EDA: variants seen among roughly 807,000 people sequenced by gnomAD.
EDA encodes ectodysplasin A, also known as ectodysplasin-A.
EDA carries 2 observed loss-of-function variants against 23.6 expected under a neutral mutation model. The ratio of observed to expected loss-of-function variants is 0.08; its 90% CI spans 0.03 to 0.27. EDA has a LOEUF of 0.27. EDA is among the 10% of genes least tolerant of loss of function. The probability of loss-of-function intolerance (pLI) is 1.00; values close to 1 mark genes in which losing one functional copy is unlikely to be tolerated. For missense variants in EDA, 229 were observed against 324.2 expected (o/e 0.71, Z 2.26); for synonymous variants, 131 against 132.0 (o/e 0.99, Z 0.05).
chrX:69,749,454 A>C (rs1244208450), intron 1 of EDA, among the ~76,000 whole-genome samples: 3 of 104,951 alleles, frequency 2.9e-5, no homozygotes, highest in Non-Finnish European at 5.9e-5. Flanking sequence ...GTATATACCC[A>C]GTAATGGGAT....
chrX:69,885,623 C>CA (rs1441356159), intron 1 of EDA, among the ~76,000 whole-genome samples: 2 of 112,078 alleles, frequency 1.8e-5, no homozygotes, highest in Admixed American at 1.9e-4. Context: ...CAGCCATCCA[C>CA]AGACAAAATT....
intron 1 of EDA, among the ~76,000 whole-genome samples, chrX:69,877,012 C>G (rs1302259358): frequency 8.9e-6 from 1 of 112,328 alleles, no homozygotes; most frequent in African/African-American, 3.2e-5. Context: ...AAATGCCAAA[C>G]TGTTTTGCAA....
At chrX:69,844,241 A>T (rs772713856) in intron 1 of EDA, among the ~76,000 whole-genome samples, 1 of 111,854 alleles carries the variant, frequency 8.9e-6, no homozygotes, top group Non-Finnish European at 1.9e-5. Flanking sequence ...GGATGAGAAA[A>T]ACTCAAATCA....
intron 1 of EDA, among the ~76,000 whole-genome samples, chrX:69,836,498 G>A (rs749832781): frequency 3.6e-5 from 4 of 112,541 alleles, no homozygotes; most frequent in Middle Eastern, 4.6e-3. Flanking sequence ...AGACTGCTGC[G>A]CTACCAGTGA....
intron 1 of EDA, among the ~76,000 whole-genome samples, chrX:69,881,093 C>A (rs1201623563): frequency 1.8e-5 from 2 of 111,772 alleles, no homozygotes; most frequent in Non-Finnish European, 3.8e-5. Context: ...CACCTCATAC[C>A]CCACGAAGTG....
intron 1 of EDA, among the ~76,000 whole-genome samples, chrX:69,927,448 A>C (rs2147672062): frequency 9.0e-6 from 1 of 111,729 alleles, no homozygotes; most frequent in Admixed American, 9.5e-5. Flanking sequence ...TGGGTTGAAA[A>C]TTCTTTTCTA....
chrX:70,022,595 C>CA (rs934429713), intron 2 of EDA, among the ~76,000 whole-genome samples: 1 of 110,787 alleles, frequency 9.0e-6, no homozygotes, highest in African/African-American at 3.3e-5. Context: ...CTCGGCCTCC[C>CA]AAAGTGCTGG....
chrX:70,027,721 G>C (rs765767471), intron 3 of EDA, 136 bp from the exon 4 acceptor site: 99 of 456,756 alleles, frequency 2.2e-4, no homozygotes, highest in Non-Finnish European at 3.7e-4. Flanking sequence ...TACTCCAGAG[G>C]CTGAGGCAGG....
chrX:69,888,978 T>TAGATATATATATATA lies in EDA; in HGVS notation c.397-68049_397-68048insAGATATATATATATA, dbSNP rs1556026049. The stretch of plus-strand genomic sequence containing the variant: ...GTGGAATTGTTGTATTGTGGGGTAG[T>TAGATATATATATATA]TATATATATATATATATATATATAT... On this transcript the variant is annotated intron_variant, in intron 1 of 7. Coordinates refer to ENST00000374552, the MANE Select transcript of EDA (RefSeq NM_001399.5). Among the ~76,000 whole-genome samples, 90 of 16,011 alleles carry TAGATATATATATATA rather than the reference T, an allele frequency of 5.6e-3. 3 individuals carry two copies. The highest frequency in any genetic ancestry group is 0.011 in the South Asian group (2 of 177). 13.9% of individuals were successfully genotyped at this position (16,011 alleles called of 115,157 possible). A position where few individuals can be genotyped will look rare whatever the true frequency, so the allele number is the denominator to read the frequency against.
intron 1 of EDA, among the ~76,000 whole-genome samples, chrX:69,819,384 G>A (rs1366028178): frequency 8.9e-6 from 1 of 111,976 alleles, no homozygotes; most frequent in East Asian, 2.8e-4. Context: ...TCAGGCAAGA[G>A]AAAGAAAGGA....
At chrX:69,787,867 G>T (rs1344760780) in intron 1 of EDA, among the ~76,000 whole-genome samples, 2 of 111,355 alleles carry the variant, frequency 1.8e-5, no homozygotes. Context: ...AGTTCTCCTG[G>T]ATAATATCCT....
chrX:69,683,528 A>G (rs994964128), intron 1 of EDA, among the ~76,000 whole-genome samples: 1 of 111,191 alleles, frequency 9.0e-6, no homozygotes, highest in Non-Finnish European at 1.9e-5. Context: ...TTAATCTCTC[A>G]TTTCTTTGAA....
intron 1 of EDA, among the ~76,000 whole-genome samples, chrX:69,694,388 C>T (rs927750746): frequency 8.9e-6 from 1 of 111,961 alleles, no homozygotes; most frequent in African/African-American, 3.2e-5. Context: ...AAAGCATTTC[C>T]TTAGTATTTA....
intron 2 of EDA, among the ~76,000 whole-genome samples, chrX:70,016,115 CA>C (rs2019946079): frequency 9.1e-6 from 1 of 110,087 alleles, no homozygotes; most frequent in Admixed American, 9.6e-5. Context: ...AAACCAACAA[CA>C]ATTTTAAAAG....
chrX:69,686,847 C>T (rs1934560977), intron 1 of EDA, among the ~76,000 whole-genome samples: 1 of 111,408 alleles, frequency 9.0e-6, no homozygotes, highest in African/African-American at 3.3e-5. Context: ...TAGGTTGTTT[C>T]CATTTTTTGC....
chrX:69,694,195 G>T (rs1390174368), intron 1 of EDA, among the ~76,000 whole-genome samples: 1 of 111,895 alleles, frequency 8.9e-6, no homozygotes, highest in African/African-American at 3.2e-5. Context: ...CCCTCTATGA[G>T]TCCATGCTTA....
At chrX:69,824,285 G>C (rs1179819091) in intron 1 of EDA, among the ~76,000 whole-genome samples, 4 of 110,317 alleles carry the variant, frequency 3.6e-5, no homozygotes, top group African/African-American at 3.3e-5. Context: ...AAATTACCTT[G>C]GGCAGTATGG....
intron 1 of EDA, among the ~76,000 whole-genome samples, chrX:69,774,449 A>G (rs2014721770): frequency 1.8e-5 from 2 of 112,078 alleles, no homozygotes; most frequent in African/African-American, 3.2e-5. Flanking sequence ...ATCCGCTCAC[A>G]GCAATAAGCT....
intron 1 of EDA, among the ~76,000 whole-genome samples, chrX:69,661,398 G>C (rs1336963989): frequency 9.8e-6 from 1 of 102,503 alleles, no homozygotes; most frequent in African/African-American, 3.6e-5. Context: ...TGCTTTTGGT[G>C]TTTTAGACAT....
Sources: gnomAD v4.1 joint callset for allele counts (sites outside exome capture counted in the v4.1 genomes callset) on GRCh38, gnomAD v4.1.1 for gene constraint, MANE v1.5 for transcripts, NCBI Gene and HGNC (gene_info 2026-07-23, HGNC 2026-07-21) for gene names.